TBL1XR1: variants seen among roughly 807,000 people sequenced by gnomAD.
TBL1XR1 encodes the protein TBL1X/Y related 1, also known as F-box-like/WD repeat-containing protein TBL1XR1.
In TBL1XR1, 5 loss-of-function variants were observed where a neutral mutation model predicts 66.9. That is an observed-to-expected ratio of 0.07 (90% CI 0.04 to 0.16). The LOEUF (loss-of-function observed/expected upper bound fraction) is 0.16. Ranked by LOEUF, TBL1XR1 falls within the 10% of genes least tolerant of loss-of-function variation. The pLI is 1.00. For missense variants in TBL1XR1, 238 were observed against 623.2 expected, an observed-to-expected ratio of 0.38 and a Z score of 6.58; for synonymous variants, 210 against 206.0, an observed-to-expected ratio of 1.02 and a Z score of -0.17.
At chr3:177,045,805 A>G (rs1474529875) in intron 10 of TBL1XR1, among the ~76,000 whole-genome samples, 1 of 152,170 alleles carries the variant, frequency 6.6e-6, no homozygotes, top group Non-Finnish European at 1.5e-5. Context: ...TGACTTGCTC[A>G]GTCTTAATAA....
At chr3:177,055,524 G>T (rs914813728) in intron 3 of TBL1XR1, among the ~76,000 whole-genome samples, 1 of 118,846 alleles carries the variant, frequency 8.4e-6, no homozygotes, top group Non-Finnish European at 1.6e-5. Flanking sequence ...CTTAATCTGG[G>T]CTCACAGAGA....
Position 177,034,323 on chromosome 3 carries a change from T to C in TBL1XR1, c.1125A>G (p.Ile375Met), listed in dbSNP as rs1714452457. 1 of 1,540,892 alleles carries C rather than the reference T, an allele frequency of 6.5e-7. No homozygotes were observed. Among genetic ancestry groups the C allele is most frequent in the Non-Finnish European group, 8.7e-7 (1 of 1,152,506 alleles). ...CACAATTGTCTTGTTTCATACTCCA[T>C]ATCTAAACAAAAAAGAAAAATGTAT... ...ASCSDDMTLKIWSMKQDNCVH... is the reference protein window; with the variant it reads ...ASCSDDMTLKMWSMKQDNCVH... Residue 375 changes from isoleucine to methionine, a missense_variant and splice_region_variant, in exon 13 of 16, where the codon ATA becomes ATG. Ile to Met is a conservative substitution (Grantham distance 10, BLOSUM62 1). Around this residue, in one of 8 missense-constraint regions of TBL1XR1, gnomAD observed 89 missense variants for 220.2 expected, o/e 0.40. Transcript: ENST00000457928.
In TBL1XR1 at chr3:177,166,150, G is replaced by A. The variant is rs192073023; in HGVS notation, c.-122+30971C>T. Among the ~76,000 whole-genome samples the A allele has an allele frequency of 4.6e-3, 700 of 152,272 alleles. 12 individuals carry two copies. The highest frequency in any genetic ancestry group is 0.016 in the African/African-American group (672 of 41,542). On this transcript the variant is annotated intron_variant, in intron 1 of 15. Coordinates refer to ENST00000457928, the MANE Select transcript of TBL1XR1 (RefSeq NM_024665.7). ...ACCTGTAATCCCAGCACTCTGGGAG[G>A]CCAAGGCAGGTGGATTGGCTGAGCT...
intron 3 of TBL1XR1, among the ~76,000 whole-genome samples, chr3:177,064,290 T>C (rs1718876761): frequency 1.3e-5 from 2 of 152,162 alleles, no homozygotes; most frequent in African/African-American, 2.4e-5. Flanking sequence ...CCTCCACCCA[T>C]ACCCAACCAT....
intron 1 of TBL1XR1, among the ~76,000 whole-genome samples, chr3:177,142,461 G>A (rs1248723625): frequency 6.6e-6 from 1 of 152,198 alleles, no homozygotes; most frequent in Non-Finnish European, 1.5e-5. Context: ...GTGTTGCCAT[G>A]GCAATGATAA....
chr3:177,134,969 G>GTGTGTGTGTGTGTGTGTC (rs146706429), intron 1 of TBL1XR1, among the ~76,000 whole-genome samples: 1,422 of 95,520 alleles, frequency 0.015, 14 homozygotes, highest in Admixed American at 0.054. Flanking sequence ...GTGTGTGTCT[G>GTGTGTGTGTGTGTGTGTC]TGTGTGTGTC....
chr3:177,136,526 C>A (rs183646672), intron 1 of TBL1XR1, among the ~76,000 whole-genome samples: 1 of 152,172 alleles, frequency 6.6e-6, no homozygotes, highest in African/African-American at 2.4e-5. Context: ...GTGATCCACC[C>A]GCCTAGGCCT....
intron 2 of TBL1XR1, among the ~76,000 whole-genome samples, chr3:177,085,038 T>C (rs1012148579): frequency 1.6e-4 from 25 of 152,184 alleles, no homozygotes; most frequent in African/African-American, 2.7e-4. Context: ...ACCAGCTAGA[T>C]TGAGCCAGTT....
At chr3:177,149,509 C>T (rs1219774764) in intron 1 of TBL1XR1, among the ~76,000 whole-genome samples, 10 of 151,866 alleles carry the variant, frequency 6.6e-5, no homozygotes, top group Admixed American at 6.6e-4. Flanking sequence ...ACTAATAGGC[C>T]ACCTAGATTT....
intron 1 of TBL1XR1, among the ~76,000 whole-genome samples, chr3:177,189,376 G>A (rs1463759906): frequency 6.6e-6 from 1 of 152,054 alleles, no homozygotes; most frequent in East Asian, 1.9e-4. Flanking sequence ...AATTAGCTGG[G>A]CGTGGTGGTA....
chr3:177,123,147 A>G (rs912039851), intron 1 of TBL1XR1, among the ~76,000 whole-genome samples: 14 of 152,138 alleles, frequency 9.2e-5, no homozygotes, highest in Non-Finnish European at 4.4e-5. Context: ...CCATTCAAAA[A>G]CAGACAAAAA....
At chr3:177,101,203 C>A (rs1168972872) in intron 1 of TBL1XR1, among the ~76,000 whole-genome samples, 2 of 151,816 alleles carry the variant, frequency 1.3e-5, no homozygotes, top group Non-Finnish European at 2.9e-5. Context: ...ATGATTAGAT[C>A]ATAGCAAGTG....
At chr3:177,075,248 T>C (rs1455855990) in intron 2 of TBL1XR1, among the ~76,000 whole-genome samples, 1 of 152,238 alleles carries the variant, frequency 6.6e-6, no homozygotes, top group Non-Finnish European at 1.5e-5. Context: ...TGCCTCCATT[T>C]TCACATGGCC....
intron 2 of TBL1XR1, among the ~76,000 whole-genome samples, chr3:177,095,007 T>C (rs562189290): frequency 6.7e-6 from 1 of 150,250 alleles, no homozygotes; most frequent in Non-Finnish European, 1.5e-5. Context: ...AAATGCGTTA[T>C]ATACATACAA....
rs150813659 is a variant in TBL1XR1 at position 177,059,562 on chromosome 3, A to G, written c.58+5358T>C. Among the ~76,000 whole-genome samples, 4 of 152,290 alleles carry G rather than the reference A, an allele frequency of 2.6e-5. No individual in the cohort carries two copies. The East Asian group carries it at 7.7e-4, about 29-fold the overall frequency. On this transcript the variant is annotated intron_variant, in intron 3 of 15. Transcript: ENST00000457928. ...ACAAATGGTATGGTACAAGGCCTGTATTTCTAAGGAGATGGAAAATCCCAT... is the reference window on the plus strand; with the variant it reads ...ACAAATGGTATGGTACAAGGCCTGTGTTTCTAAGGAGATGGAAAATCCCAT...
chr3:177,145,683 C>T, intron 1 of TBL1XR1, among the ~76,000 whole-genome samples: 1 of 152,226 alleles, frequency 6.6e-6, no homozygotes. Flanking sequence ...CTAAAAGACC[C>T]AGATAGCACC....
chr3:177,084,570 T>C (rs1982751), intron 2 of TBL1XR1, among the ~76,000 whole-genome samples: 47,362 of 152,196 alleles, frequency 0.31, 7,798 homozygotes, highest in East Asian at 0.58. Context: ...TTATAGATAC[T>C]TGAACTGTTA....
chr3:177,131,034 G>A (rs925967811), intron 1 of TBL1XR1, among the ~76,000 whole-genome samples: 8 of 151,940 alleles, frequency 5.3e-5, no homozygotes, highest in African/African-American at 1.5e-4. Context: ...GGCTTATCAC[G>A]CAGTCAGTAG....
intron 15 of TBL1XR1, chr3:177,026,142 A>G (rs1039853004): frequency 2.0e-6 from 1 of 506,322 alleles, no homozygotes; most frequent in Admixed American, 4.1e-5. Flanking sequence ...TCATATTAAA[A>G]ATAACTGTCC....
Sources: allele counts gnomAD v4.1 joint callset (sites outside exome capture counted in the v4.1 genomes callset), GRCh38; gene constraint gnomAD v4.1.1; regional missense constraint gnomAD v4.1.1; transcripts MANE v1.5; gene names NCBI Gene and HGNC (gene_info 2026-07-23, HGNC 2026-07-21).